The following ARHGEF28 variants were observed in gnomAD, a reference collection of about 807,000 sequenced individuals.
ARHGEF28 encodes the protein 190 kDa guanine nucleotide exchange factor.
A neutral mutation model predicts 206.6 loss-of-function variants in ARHGEF28; 152 were observed. That is an observed-to-expected ratio of 0.74 (90% CI 0.64 to 0.84). ARHGEF28 has a LOEUF of 0.84. Ranked by LOEUF, ARHGEF28 falls within the 40% of genes least tolerant of loss-of-function variation. The pLI is 0.00. For missense variants in ARHGEF28, 2,028 were observed against 2,073.2 expected (o/e 0.98, Z 0.42); for synonymous variants, 763 against 776.4 (o/e 0.98, Z 0.29).
chr5:73,749,756 T>G, intron 2 of ARHGEF28, 81 bp from the exon 3 acceptor site: 1 of 1,501,428 alleles, frequency 6.7e-7, no homozygotes, highest in Non-Finnish European at 9.1e-7. Context: ...GACACTGTTA[T>G]GGACCCAGGT....
intron 7 of ARHGEF28, among the ~76,000 whole-genome samples, chr5:73,781,510 C>T (rs1270415364): frequency 1.3e-5 from 2 of 152,132 alleles, no homozygotes; most frequent in African/African-American, 4.8e-5. Flanking sequence ...GCAATTCTTA[C>T]TTCATTTGAG....
At chr5:73,781,041 C>A (rs1753817341) in intron 7 of ARHGEF28, among the ~76,000 whole-genome samples, 1 of 135,136 alleles carries the variant, frequency 7.4e-6, no homozygotes, top group East Asian at 2.8e-4. Flanking sequence ...GATTGTTCTC[C>A]TCATTCAGCT....
intron 7 of ARHGEF28, among the ~76,000 whole-genome samples, chr5:73,791,651 T>G (rs201576608): frequency 2.8e-5 from 1 of 35,318 alleles, no homozygotes; most frequent in Non-Finnish European, 5.4e-5. Flanking sequence ...TAGAGGTGAG[T>G]TTTTTAGGCG....
intron 1 of ARHGEF28, among the ~76,000 whole-genome samples, chr5:73,656,977 T>G (rs1316511288): frequency 6.6e-6 from 1 of 152,062 alleles, no homozygotes; most frequent in Non-Finnish European, 1.5e-5. Context: ...GAGACCATCC[T>G]GGCTAACATG....
chr5:73,853,732 G>T (rs1758845910), intron 14 of ARHGEF28, among the ~76,000 whole-genome samples: 1 of 152,082 alleles, frequency 6.6e-6, no homozygotes, highest in Admixed American at 6.5e-5. Context: ...GTTTTAAGCA[G>T]TTTACATTTA....
chr5:73,868,093 C>T lies in ARHGEF28; in HGVS notation c.2298-7C>T, dbSNP rs991221681. 6.2e-7 allele frequency: 1 copy of T among 1,612,480 alleles called. No homozygotes were observed. Among genetic ancestry groups the T allele is most frequent in the African/African-American group, 1.3e-5 (1 of 74,908 alleles). ...GGGCTAACTTTGCTCCCCTCCCTCT[C>T]TCCTAGCTTCAGGAGGTCAGCCACA... On this transcript the variant is annotated splice_region_variant and splice_polypyrimidine_tract_variant and intron_variant, in intron 19 of 35. Coordinates refer to ENST00000513042, the MANE Select transcript of ARHGEF28 (RefSeq NM_001177693.2).
At chr5:73,830,058 A>G (rs1037905800) in intron 9 of ARHGEF28, among the ~76,000 whole-genome samples, 1 of 152,090 alleles carries the variant, frequency 6.6e-6, no homozygotes, top group African/African-American at 2.4e-5. Flanking sequence ...CCCATAGGAG[A>G]CACTGGGGCA....
intron 4 of ARHGEF28, among the ~76,000 whole-genome samples, chr5:73,771,615 C>T (rs1376425288): frequency 2.0e-5 from 3 of 151,632 alleles, no homozygotes; most frequent in Non-Finnish European, 4.4e-5. Flanking sequence ...ACAGGTTTTC[C>T]TGTGTTGGGG....
intron 22 of ARHGEF28, 30 bp from the exon 23 acceptor site, chr5:73,882,442 C>T (rs745678448): frequency 7.4e-7 from 1 of 1,350,580 alleles, no homozygotes; most frequent in Non-Finnish European, 9.9e-7. Flanking sequence ...ACTAAATTTA[C>T]AAACCATTAT....
At chr5:73,933,796 G>A (rs1764265275) in intron 35 of ARHGEF28, among the ~76,000 whole-genome samples, 1 of 151,856 alleles carries the variant, frequency 6.6e-6, no homozygotes, top group South Asian at 2.1e-4. Flanking sequence ...TTGTCTAAAA[G>A]ATAAGGACTC....
intron 2 of ARHGEF28, among the ~76,000 whole-genome samples, chr5:73,695,193 G>A (rs1388751452): frequency 1.3e-5 from 2 of 152,188 alleles, no homozygotes; most frequent in Non-Finnish European, 2.9e-5. Context: ...GAGGGGCCAG[G>A]TCATGCCCAT....
At chr5:73,868,634 G>A (rs1194964364) in intron 20 of ARHGEF28, among the ~76,000 whole-genome samples, 2 of 152,048 alleles carry the variant, frequency 1.3e-5, no homozygotes, top group South Asian at 2.1e-4. Context: ...CCCATCTGTT[G>A]CCTCCTAGGG....
At chr5:73,825,192 G>A (rs142414882) in intron 9 of ARHGEF28, among the ~76,000 whole-genome samples, 33 of 152,330 alleles carry the variant, frequency 2.2e-4, no homozygotes, top group African/African-American at 7.2e-4. Flanking sequence ...TCCCTACTAT[G>A]CTAGGTGATG....
chr5:73,672,369 A>G (rs1746404934), intron 1 of ARHGEF28, among the ~76,000 whole-genome samples: 1 of 152,108 alleles, frequency 6.6e-6, no homozygotes. Flanking sequence ...CCATTTACAG[A>G]ACTTCTTTAT....
chr5:73,909,715 A>G lies in ARHGEF28; in HGVS notation c.4465A>G (p.Ser1489Gly). 1 of 1,522,540 alleles carries G rather than the reference A, an allele frequency of 6.6e-7. No individual in the cohort carries two copies. Among genetic ancestry groups the G allele is most frequent in the Non-Finnish European group, 8.8e-7 (1 of 1,134,132 alleles). 94.3% of individuals were successfully genotyped at this position (1,522,540 alleles called of 1,614,324 possible). ...CQSQEELLLR[S>G]RGELDLQLQE... ...GTCGCAGGAGGAGCTGCTGCTGCGGAGCCGGGGCGAGCTGGACCTCCAGCT... is the reference window on the plus strand; with the variant it reads ...GTCGCAGGAGGAGCTGCTGCTGCGGGGCCGGGGCGAGCTGGACCTCCAGCT... The change falls in exon 34 of 36, where the codon AGC becomes GGC. Residue 1489 changes from serine (S) to glycine (G), a missense_variant. Physicochemically the swap from Ser to Gly is moderately conservative, Grantham distance 56. Coordinates refer to ENST00000513042, the MANE Select transcript of ARHGEF28 (RefSeq NM_001177693.2).
At chr5:73,771,081 ACTTAAATTGATAC>A (rs1202141291) in intron 4 of ARHGEF28, among the ~76,000 whole-genome samples, 5 of 152,238 alleles carry the variant, frequency 3.3e-5, no homozygotes, top group Admixed American at 6.5e-5. Context: ...AGAAAGTGTT[ACTTAAATTGATAC>A]CATGCTTTCC....
intron 1 of ARHGEF28, among the ~76,000 whole-genome samples, chr5:73,643,959 A>G (rs1744278839): frequency 6.6e-6 from 1 of 152,156 alleles, no homozygotes; most frequent in South Asian, 2.1e-4. Flanking sequence ...CAGATGCACT[A>G]GGTGTGCCAC....
At chr5:73,746,135 G>T (rs1751704627) in intron 2 of ARHGEF28, among the ~76,000 whole-genome samples, 1 of 152,036 alleles carries the variant, frequency 6.6e-6, no homozygotes, top group Admixed American at 6.5e-5. Flanking sequence ...AAGAAGTTTG[G>T]CAATTTGTGA....
intron 16 of ARHGEF28, 42 bp downstream of exon 16, chr5:73,858,261 C>T: frequency 6.5e-7 from 1 of 1,528,720 alleles, no homozygotes; most frequent in Non-Finnish European, 8.7e-7. Flanking sequence ...GTTTTCATCT[C>T]CTGACAGTAA....
Sources: allele counts gnomAD v4.1 joint callset (sites outside exome capture counted in the v4.1 genomes callset), GRCh38; gene constraint gnomAD v4.1.1; transcripts MANE v1.5; gene names NCBI Gene and HGNC (gene_info 2026-07-23, HGNC 2026-07-21).